GRAMD1B: variants seen among roughly 807,000 people sequenced by gnomAD.
GRAMD1B encodes the protein GRAM domain containing 1B, also known as protein Aster-B.
A neutral mutation model predicts 99.7 loss-of-function variants in GRAMD1B; 37 were observed. That is an observed-to-expected ratio of 0.37 (90% CI 0.29 to 0.49). The LOEUF (loss-of-function observed/expected upper bound fraction) is 0.49, where lower values mean the gene tolerates loss of function less well. Ranked by LOEUF, GRAMD1B falls within the 20% of genes least tolerant of loss-of-function variation. The pLI, the probability that GRAMD1B is intolerant of heterozygous loss-of-function variation, is 0.98. For synonymous variants in GRAMD1B, 427 were observed against 387.6 expected (o/e 1.10, Z -1.19); for missense variants, 888 against 1,009.2 (o/e 0.88, Z 1.63).
At chr11:123,363,774 A>T (rs1213452939) in intron 1 of GRAMD1B, among the ~76,000 whole-genome samples, 1 of 152,156 alleles carries the variant, frequency 6.6e-6, no homozygotes, top group East Asian at 1.9e-4. Context: ...TACTTTGCTG[A>T]CGGGACAGTG....
chr11:123,371,795 G>A (rs537349289), intron 1 of GRAMD1B, among the ~76,000 whole-genome samples: 40 of 152,280 alleles, frequency 2.6e-4, no homozygotes, highest in African/African-American at 9.1e-4. Context: ...TCTTGCTAGA[G>A]TTCTCCATGA....
chr11:123,432,077 T>A, intron 1 of GRAMD1B: 1 of 398,640 alleles, frequency 2.5e-6, no homozygotes, highest in Non-Finnish European at 4.4e-6. Context: ...TTGATCACTT[T>A]CCCTGGAATT....
intron 4 of GRAMD1B, among the ~76,000 whole-genome samples, chr11:123,593,757 T>C (rs1053213463): frequency 2.6e-5 from 4 of 152,122 alleles, no homozygotes; most frequent in African/African-American, 9.7e-5. Context: ...CAGCAGTAGC[T>C]GGCATGGTGG....
rs533079117 is a variant in GRAMD1B, at chr11:123,526,658, C to G, written c.452+45765C>G. On this transcript the variant is annotated intron_variant, in intron 2 of 19. Coordinates refer to ENST00000635736, the MANE Select transcript of GRAMD1B (RefSeq NM_001387025.1). ...GGGCGGGCAGTCCCTAGGGGCATCC[C>G]TCTGAGGGGCCAGGCTCCATCTTCT... Among the ~76,000 whole-genome samples the G allele has an allele frequency of 5.3e-5, 8 of 152,268 alleles. No homozygotes were observed. In the South Asian group the frequency reaches 1.7e-3, roughly 32 times the overall value.
At chr11:123,608,540 C>T (rs941634690) in intron 11 of GRAMD1B, 119 bp from the exon 12 acceptor site, 5 of 1,544,840 alleles carry the variant, frequency 3.2e-6, no homozygotes, top group Non-Finnish European at 4.4e-6. Context: ...GTGTCCTCTC[C>T]ATACCCTTGT....
intron 1 of GRAMD1B, among the ~76,000 whole-genome samples, chr11:123,480,537 A>G (rs117825428): frequency 6.6e-6 from 1 of 152,216 alleles, no homozygotes; most frequent in East Asian, 1.9e-4. Flanking sequence ...TTTGAGGTTT[A>G]TATAGCCAGG....
At chr11:123,460,764 C>G (rs1215410809) in intron 1 of GRAMD1B, among the ~76,000 whole-genome samples, 1 of 152,182 alleles carries the variant, frequency 6.6e-6, no homozygotes, top group Non-Finnish European at 1.5e-5. Context: ...TTCTGGAAAA[C>G]AGCACAGCTT....
At chr11:123,565,359 A>G (rs78269407) in intron 2 of GRAMD1B, among the ~76,000 whole-genome samples, 149 of 152,282 alleles carry the variant, frequency 9.8e-4, no homozygotes, top group African/African-American at 3.5e-3. Flanking sequence ...TTTTAAAAGT[A>G]TTAAGTTCTT....
At chr11:123,383,789 A>AATATAT (rs113677613) in intron 1 of GRAMD1B, among the ~76,000 whole-genome samples, 45 of 147,086 alleles carry the variant, frequency 3.1e-4, no homozygotes, top group African/African-American at 8.7e-4. Flanking sequence ...TCCCTTCATG[A>AATATAT]ATATATATAT....
intron 1 of GRAMD1B, among the ~76,000 whole-genome samples, chr11:123,455,603 A>C (rs902351456): frequency 1.3e-4 from 20 of 152,182 alleles, no homozygotes; most frequent in African/African-American, 3.4e-4. Flanking sequence ...AGTGATCTGC[A>C]TGGATTCTGT....
chr11:123,461,931 G>GTT (rs368408422), intron 1 of GRAMD1B, among the ~76,000 whole-genome samples: 14 of 135,870 alleles, frequency 1.0e-4, no homozygotes, highest in Non-Finnish European at 1.4e-4. Context: ...TCAAGTGCAG[G>GTT]TTTTTTTTTT....
chr11:123,582,312 A>G (rs753193758), intron 3 of GRAMD1B, among the ~76,000 whole-genome samples: 1 of 152,228 alleles, frequency 6.6e-6, no homozygotes, highest in Non-Finnish European at 1.5e-5. Flanking sequence ...AGAAGGGGGT[A>G]GCCTTGGCTG....
At chr11:123,529,985 GAAAA>G (rs1050598266) in intron 2 of GRAMD1B, among the ~76,000 whole-genome samples, 2 of 147,972 alleles carry the variant, frequency 1.4e-5, no homozygotes, top group Non-Finnish European at 3.0e-5. Context: ...TTTGATTCTG[GAAAA>G]AAAAAAGGTT....
At chr11:123,438,749 C>T (rs1352477447) in intron 1 of GRAMD1B, among the ~76,000 whole-genome samples, 1 of 152,202 alleles carries the variant, frequency 6.6e-6, no homozygotes, top group Non-Finnish European at 1.5e-5. Flanking sequence ...GGTGATCTTT[C>T]TGTCCTAGTT....
chr11:123,382,418 A>G (rs1166903737), intron 1 of GRAMD1B, among the ~76,000 whole-genome samples: 2 of 152,188 alleles, frequency 1.3e-5, no homozygotes, highest in African/African-American at 2.4e-5. Context: ...ACGAAGGTCC[A>G]TAATTAAGCA....
intron 7 of GRAMD1B, among the ~76,000 whole-genome samples, chr11:123,597,667 A>G (rs1951450536): frequency 6.6e-6 from 1 of 152,198 alleles, no homozygotes; most frequent in Non-Finnish European, 1.5e-5. Context: ...AGAAAGAGGT[A>G]TGGAGGCATT....
intron 2 of GRAMD1B, among the ~76,000 whole-genome samples, chr11:123,524,089 T>C (rs1293436734): frequency 6.6e-6 from 1 of 152,184 alleles, no homozygotes; most frequent in African/African-American, 2.4e-5. Flanking sequence ...CACGTGGACA[T>C]TGGAGAGATA....
At chr11:123,601,503 G>C (rs1951963194) in intron 8 of GRAMD1B, among the ~76,000 whole-genome samples, 1 of 140,662 alleles carries the variant, frequency 7.1e-6, no homozygotes, top group African/African-American at 2.7e-5. Context: ...GTTTCCCCCA[G>C]GATTAATTTT....
rs762055409 is a variant in GRAMD1B, at chr11:123,605,472, C to T, written c.1317C>T (p.Pro439=). ...CATCCACAGGGAGCAGTGAGGCCCC[C>T]GTCTCGGTATGGGCAGTCAGCCTTT... ...TLTSTGSSEA[P]VSFDGLPLEE... is the part of the protein sequence containing the mutation. Residue 439 remains proline (P), a synonymous_variant, in exon 10 of 20, where the codon CCC becomes CCT. Coordinates refer to ENST00000635736, the MANE Select transcript of GRAMD1B (RefSeq NM_001387025.1). 12 of 1,609,434 alleles carry T rather than the reference C, an allele frequency of 7.5e-6. No homozygotes were observed. The Admixed American group carries it at 8.4e-5, about 11-fold the overall frequency.
Sources: gnomAD v4.1 joint callset for allele counts (sites outside exome capture counted in the v4.1 genomes callset) on GRCh38, gnomAD v4.1.1 for gene constraint, MANE v1.5 for transcripts, NCBI Gene and HGNC (gene_info 2026-07-23, HGNC 2026-07-21) for gene names.